FOXP2: variants seen among roughly 807,000 people sequenced by gnomAD.
FOXP2 encodes the protein forkhead box P2, also known as forkhead box protein P2.
A neutral mutation model predicts 115.8 loss-of-function variants in FOXP2; 12 were observed. The observed-to-expected ratio is 0.10, with a 90% CI of 0.07 to 0.17. The LOEUF is 0.17. Among genes scored for constraint, FOXP2 ranks in the 10% least tolerant of loss-of-function variants. The probability of loss-of-function intolerance (pLI) is 1.00; values close to 1 mark genes in which losing one functional copy is unlikely to be tolerated. For synonymous variants in FOXP2, 328 were observed against 297.7 expected (o/e 1.10, Z -1.05); for missense variants, 629 against 843.5 (o/e 0.75, Z 3.15).
At chr7:114,531,951 A>T (rs1292053426) in intron 2 of FOXP2, among the ~76,000 whole-genome samples, 10 of 151,954 alleles carry the variant, frequency 6.6e-5, no homozygotes, top group Non-Finnish European at 7.4e-5. Context: ...TGTTGAATGA[A>T]TATAACGCAG....
At chr7:114,199,378 A>G (rs1314541711) in intron 1 of FOXP2, among the ~76,000 whole-genome samples, 5 of 152,270 alleles carry the variant, frequency 3.3e-5, no homozygotes, top group Admixed American at 1.3e-4. Context: ...TATGAAAATA[A>G]TATAAAATAA....
chr7:114,647,312 T>C lies in FOXP2; in HGVS notation c.1094+2523T>C, dbSNP rs149799286. Among the ~76,000 whole-genome samples, 529 of 151,670 alleles carry C rather than the reference T, an allele frequency of 3.5e-3. 3 individuals carry two copies. Among genetic ancestry groups the C allele is most frequent in the African/African-American group, 0.012 (511 of 41,504 alleles). ...CCCTCTATTTTTATCTTGCACCAAA[T>C]GAAAAGCCATTATAGGACAGTTGCT... On this transcript the variant is annotated intron_variant, in intron 8 of 16. Transcript: ENST00000350908.
intron 2 of FOXP2, among the ~76,000 whole-genome samples, chr7:114,316,537 A>G (rs1797280984): frequency 6.6e-6 from 1 of 152,204 alleles, no homozygotes; most frequent in South Asian, 2.1e-4. Context: ...AGAGAAAAAT[A>G]CAGACTGACA....
chr7:114,482,750 A>G (rs1796613633), intron 2 of FOXP2, among the ~76,000 whole-genome samples: 1 of 151,708 alleles, frequency 6.6e-6, no homozygotes, highest in Admixed American at 6.6e-5. Context: ...TTTATGAAAT[A>G]AGAGTTAAAA....
chr7:114,130,667 A>G (rs1052963541), intron 1 of FOXP2, among the ~76,000 whole-genome samples: 1 of 152,212 alleles, frequency 6.6e-6, no homozygotes, highest in Non-Finnish European at 1.5e-5. Context: ...TGTGTGAAGT[A>G]GGCATTTTTG....
At chr7:114,688,893 A>G (rs1012359708) in intron 16 of FOXP2, among the ~76,000 whole-genome samples, 2 of 152,210 alleles carry the variant, frequency 1.3e-5, no homozygotes, top group Non-Finnish European at 2.9e-5. Context: ...GCAGCTCACC[A>G]GCCCTGCATA....
At chr7:114,648,152 A>T (rs1004749164) in intron 8 of FOXP2, among the ~76,000 whole-genome samples, 42 of 152,058 alleles carry the variant, frequency 2.8e-4, no homozygotes, top group Admixed American at 4.6e-4. Flanking sequence ...TTATGCTCTT[A>T]CTTAATGTGT....
At chr7:114,215,295 G>A (rs1454449136) in intron 1 of FOXP2, among the ~76,000 whole-genome samples, 1 of 152,034 alleles carries the variant, frequency 6.6e-6, no homozygotes, top group African/African-American at 2.4e-5. Flanking sequence ...AAGTGGTTTT[G>A]TCACATCAAT....
chr7:114,577,086 G>C (rs141809057), intron 3 of FOXP2, among the ~76,000 whole-genome samples: 2 of 151,860 alleles, frequency 1.3e-5, no homozygotes, highest in African/African-American at 4.8e-5. Context: ...CATTAGGTGA[G>C]TGAATTGTTT....
chr7:114,473,348 A>C (rs1796126565), intron 2 of FOXP2, among the ~76,000 whole-genome samples: 1 of 152,200 alleles, frequency 6.6e-6, no homozygotes, highest in African/African-American at 2.4e-5. Flanking sequence ...AATGAAAGTA[A>C]GGATACAGAC....
intron 2 of FOXP2, among the ~76,000 whole-genome samples, chr7:114,475,981 T>C (rs983063747): frequency 6.6e-6 from 1 of 151,990 alleles, no homozygotes; most frequent in Admixed American, 6.6e-5. Context: ...CTATATCTAA[T>C]GTAAACATTC....
chr7:114,201,184 A>G (rs1337780567), intron 1 of FOXP2, among the ~76,000 whole-genome samples: 1 of 151,982 alleles, frequency 6.6e-6, no homozygotes, highest in Non-Finnish European at 1.5e-5. Flanking sequence ...TAACCAACCT[A>G]ATTTGGCTGG....
intron 2 of FOXP2, among the ~76,000 whole-genome samples, chr7:114,377,255 GA>G: frequency 6.6e-6 from 1 of 152,142 alleles, no homozygotes; most frequent in Non-Finnish European, 1.5e-5. Context: ...TCCAAAGTTT[GA>G]GATACTTTCC....
At chr7:114,681,462 G>C (rs1055568171) in intron 16 of FOXP2, among the ~76,000 whole-genome samples, 1 of 152,206 alleles carries the variant, frequency 6.6e-6, no homozygotes, top group Middle Eastern at 3.4e-3. Flanking sequence ...AAGCCCCAAC[G>C]TGCATAGCAA....
At chr7:114,655,279 C>T (rs1806520074) in intron 10 of FOXP2, among the ~76,000 whole-genome samples, 1 of 152,010 alleles carries the variant, frequency 6.6e-6, no homozygotes, top group Admixed American at 6.6e-5. Context: ...TTGTTCTTTT[C>T]CAATTAATTA....
chr7:114,334,681 T>C (rs892621622), intron 2 of FOXP2, among the ~76,000 whole-genome samples: 3 of 151,248 alleles, frequency 2.0e-5, no homozygotes, highest in Non-Finnish European at 4.4e-5. Context: ...AAATTTTAGA[T>C]AAATGTTTTA....
chr7:114,377,894 G>A (rs1792181763), intron 2 of FOXP2, among the ~76,000 whole-genome samples: 1 of 152,120 alleles, frequency 6.6e-6, no homozygotes, highest in Admixed American at 6.5e-5. Context: ...AACCACAAGA[G>A]GACATCTCTA....
chr7:114,669,932 T>C (rs141352921), intron 16 of FOXP2: 1 of 152,176 alleles, frequency 6.6e-6, no homozygotes, highest in African/African-American at 2.4e-5. Flanking sequence ...GAGATTCCCA[T>C]TTTTATATTT....
intron 3 of FOXP2, among the ~76,000 whole-genome samples, chr7:114,626,488 G>T (rs967970689): frequency 9.2e-5 from 14 of 151,824 alleles, no homozygotes; most frequent in Non-Finnish European, 1.5e-4. Flanking sequence ...TGTAAGAAAA[G>T]TGCGACAAGC....
Sources: gnomAD v4.1 joint callset for allele counts (sites outside exome capture counted in the v4.1 genomes callset) on GRCh38, gnomAD v4.1.1 for gene constraint, MANE v1.5 for transcripts, NCBI Gene and HGNC (gene_info 2026-07-23, HGNC 2026-07-21) for gene names.